Variants in WWOX observed in about 807,000 individuals in gnomAD.
WWOX encodes the protein WW domain-containing oxidoreductase.
A neutral mutation model predicts 46.2 loss-of-function variants in WWOX; 69 were observed. The observed-to-expected ratio is 1.49, with a 90% CI of 1.23 to 1.82. The LOEUF is 1.82. WWOX is among the 40% of genes most tolerant of loss of function. The pLI is 0.00. For missense variants in WWOX, 919 were observed against 542.6 expected (o/e 1.69, Z -6.89); for synonymous variants, 359 against 202.6 (o/e 1.77, Z -6.56).
chr16:78,767,369 C>T (rs564264078), intron 8 of WWOX, among the ~76,000 whole-genome samples: 3 of 151,956 alleles, frequency 2.0e-5, no homozygotes, highest in Non-Finnish European at 4.4e-5. Context: ...TCCTGTGCTC[C>T]GGTCATCCAC....
intron 8 of WWOX, among the ~76,000 whole-genome samples, chr16:78,903,046 A>G (rs2044869246): frequency 6.6e-6 from 1 of 152,214 alleles, no homozygotes; most frequent in African/African-American, 2.4e-5. Context: ...AAACAAAGCA[A>G]GAGAAGAATG....
At chr16:78,612,245 A>G (rs1412899994) in intron 8 of WWOX, among the ~76,000 whole-genome samples, 1 of 152,214 alleles carries the variant, frequency 6.6e-6, no homozygotes, top group East Asian at 1.9e-4. Context: ...AGCAATTGCA[A>G]GGGCCCTTGA....
chr16:78,727,665 C>G (rs562556710), intron 8 of WWOX, among the ~76,000 whole-genome samples: 1 of 152,192 alleles, frequency 6.6e-6, no homozygotes, highest in East Asian at 1.9e-4. Context: ...TTCTTTTTCC[C>G]TTATGTCAAG....
chr16:78,533,480 G>C (rs12444218), intron 8 of WWOX, among the ~76,000 whole-genome samples: 2,154 of 152,140 alleles, frequency 0.014, 23 homozygotes, highest in African/African-American at 0.027. Context: ...TGTTGGGCCA[G>C]ATTCAAAGTT....
intron 8 of WWOX, among the ~76,000 whole-genome samples, chr16:79,086,448 G>A (rs1335227725): frequency 6.6e-6 from 1 of 152,188 alleles, no homozygotes; most frequent in Admixed American, 6.5e-5. Context: ...TACTTAAGAT[G>A]ACCTTTTGAA....
chr16:78,863,157 C>T (rs2043929100), intron 8 of WWOX, among the ~76,000 whole-genome samples: 1 of 151,970 alleles, frequency 6.6e-6, no homozygotes. Context: ...GGGGTTTCAC[C>T]ATGTTGGCCA....
chr16:78,100,159 C>T (rs1162435284), intron 1 of WWOX: 2 of 1,301,312 alleles, frequency 1.5e-6, no homozygotes, highest in Non-Finnish European at 9.8e-7. Context: ...GGCAAAGCGG[C>T]CTCATCCCCG....
rs550438271 is a variant in WWOX, at chr16:78,987,722, G to A, written c.1057-223886G>A. Among the ~76,000 whole-genome samples, 8 of 152,318 alleles carry A rather than the reference G, an allele frequency of 5.3e-5. No individual in the cohort carries two copies. In the South Asian group the frequency reaches 1.7e-3, roughly 32 times the overall value. On this transcript the variant is annotated intron_variant, in intron 8 of 8. Coordinates refer to ENST00000566780, the MANE Select transcript of WWOX (RefSeq NM_016373.4). ...TAACGTGAATTCATTTCGCGCTAAT[G>A]AGAGTTGCGATATGTCGGCCCAAAC...
intron 4 of WWOX, among the ~76,000 whole-genome samples, chr16:78,143,309 T>A (rs963220191): frequency 6.6e-6 from 1 of 152,218 alleles, no homozygotes; most frequent in Non-Finnish European, 1.5e-5. Context: ...TCACATTTTC[T>A]TGCAGTGAAA....
chr16:78,199,778 C>T (rs2036175665), intron 5 of WWOX, among the ~76,000 whole-genome samples: 1 of 142,794 alleles, frequency 7.0e-6, no homozygotes, highest in South Asian at 2.2e-4. Context: ...GGCTGAGTTC[C>T]AGACTCCAAG....
intron 8 of WWOX, among the ~76,000 whole-genome samples, chr16:78,976,275 C>T (rs2046570721): frequency 6.6e-6 from 1 of 152,232 alleles, no homozygotes; most frequent in Non-Finnish European, 1.5e-5. Context: ...TTGTGAAACA[C>T]TCCTACTTCT....
intron 8 of WWOX, among the ~76,000 whole-genome samples, chr16:78,702,292 T>C (rs1395691335): frequency 6.7e-6 from 1 of 149,678 alleles, no homozygotes; most frequent in Non-Finnish European, 1.5e-5. Flanking sequence ...AAATAAAATA[T>C]AAAATAAAAT....
At chr16:79,021,842 C>G (rs556516749) in intron 8 of WWOX, among the ~76,000 whole-genome samples, 19 of 152,320 alleles carry the variant, frequency 1.2e-4, no homozygotes, top group Admixed American at 1.2e-3. Flanking sequence ...TTCAATCACA[C>G]ATACACACAA....
intron 8 of WWOX, among the ~76,000 whole-genome samples, chr16:79,033,119 C>T (rs940969021): frequency 2.7e-5 from 4 of 148,488 alleles, no homozygotes; most frequent in Non-Finnish European, 4.5e-5. Flanking sequence ...TTTAAGGCTG[C>T]ATAGTATTCC....
intron 8 of WWOX, among the ~76,000 whole-genome samples, chr16:78,548,655 A>T (rs531760989): frequency 1.3e-5 from 2 of 152,314 alleles, no homozygotes; most frequent in South Asian, 2.1e-4. Context: ...GTATTGTTCC[A>T]TCCGCCTGCC....
chr16:79,023,596 C>T lies in WWOX; in HGVS notation c.1057-188012C>T, dbSNP rs115853988. 9.1e-4 allele frequency among the ~76,000 whole-genome samples: 139 copies of T among 152,218 alleles called. 1 individual carries two copies. Among genetic ancestry groups the T allele is most frequent in the African/African-American group, 2.2e-3 (91 of 41,526 alleles). ...ACATGTGTGTGTTAAAAAGGAATGACGTTTTGGTCTGTGCTACAACTGGGA... is the reference window on the plus strand; with the variant it reads ...ACATGTGTGTGTTAAAAAGGAATGATGTTTTGGTCTGTGCTACAACTGGGA... On this transcript the variant is annotated intron_variant, in intron 8 of 8. Transcript: ENST00000566780.
intron 8 of WWOX, among the ~76,000 whole-genome samples, chr16:78,788,859 A>G (rs773362982): frequency 2.0e-5 from 3 of 152,182 alleles, no homozygotes; most frequent in Non-Finnish European, 4.4e-5. Flanking sequence ...AACTAACTCC[A>G]CGTAGACAGT....
At chr16:78,360,352 G>A (rs1019622046) in intron 5 of WWOX, among the ~76,000 whole-genome samples, 2 of 152,070 alleles carry the variant, frequency 1.3e-5, no homozygotes, top group Non-Finnish European at 2.9e-5. Flanking sequence ...TTGGGAGGCC[G>A]AAGCGGGCTG....
At chr16:78,506,008 C>T (rs181577731) in intron 8 of WWOX, among the ~76,000 whole-genome samples, 4 of 152,344 alleles carry the variant, frequency 2.6e-5, no homozygotes, top group Middle Eastern at 3.4e-3. Flanking sequence ...ACACCATTCC[C>T]CGTCAGCCCC....
Sources: gnomAD v4.1 joint callset for allele counts (sites outside exome capture counted in the v4.1 genomes callset) on GRCh38, gnomAD v4.1.1 for gene constraint, MANE v1.5 for transcripts, NCBI Gene and HGNC (gene_info 2026-07-23, HGNC 2026-07-21) for gene names.